The following SLC35B4 variants were observed in gnomAD, a reference collection of about 807,000 sequenced individuals.
SLC35B4 encodes nucleotide sugar transporter SLC35B4.
Under a neutral mutation model 39.5 loss-of-function variants are expected in SLC35B4, and 28 were observed. That is an observed-to-expected ratio of 0.71 (90% CI 0.53 to 0.97). SLC35B4 has a LOEUF of 0.97. Ranked by LOEUF, SLC35B4 falls within the 50% of genes least tolerant of loss-of-function variation. The pLI is 0.00. For synonymous variants in SLC35B4, 145 were observed against 150.4 expected, an observed-to-expected ratio of 0.96 and a Z score of 0.26; for missense variants, 334 against 414.3, an observed-to-expected ratio of 0.81 and a Z score of 1.68.
chr7:134,319,541 A>T (rs902861282), upstream of SLC35B4, among the ~76,000 whole-genome samples: 1 of 152,022 alleles, frequency 6.6e-6, no homozygotes, highest in African/African-American at 2.4e-5. Flanking sequence ...TGCCCTGCAC[A>T]TGTTCTCTTG....
At chr7:134,314,229 G>A (rs560323591) in intron 1 of SLC35B4, among the ~76,000 whole-genome samples, 45 of 152,138 alleles carry the variant, frequency 3.0e-4, no homozygotes, top group Non-Finnish European at 6.0e-4. Context: ...TTGTTGGACA[G>A]AATGGGAAGC....
At position 134,316,636 on chromosome 7, in the gene SLC35B4, G is replaced by T. The variant is rs370336842; in HGVS notation, c.77+39C>A. 6.5e-6 allele frequency: 10 copies of T among 1,544,924 alleles called. No homozygotes were observed. In the African/African-American group the frequency reaches 1.4e-4, roughly 21 times the overall value. The stretch of plus-strand genomic sequence containing the variant: ...CCTCTCCTCTGGCTTCCTCCGCCCC[G>T]CCCCGGGAGACCGGGTGCGGCCCGA... On this transcript the variant is annotated intron_variant, in intron 1 of 9. Coordinates refer to ENST00000378509, the MANE Select transcript of SLC35B4 (RefSeq NM_032826.5).
Position 134,316,182 on chromosome 7 carries a change from T to C in SLC35B4, c.77+493A>G, listed in dbSNP as rs1193916663. 2.6e-5 allele frequency among the ~76,000 whole-genome samples: 4 copies of C among 152,308 alleles called. No individual in the cohort carries two copies. The East Asian group carries it at 7.7e-4, about 29-fold the overall frequency. On this transcript the variant is annotated intron_variant, in intron 1 of 9. Coordinates refer to ENST00000378509, the MANE Select transcript of SLC35B4 (RefSeq NM_032826.5). ...AATAAAAATAAAACTTTCTTTGCAG[T>C]ATGTACAAAGTCAGACTGCTTTACA...
At position 134,299,512 on chromosome 7, in the gene SLC35B4, C is replaced by A; in HGVS notation, c.673+11G>T. 1 of 1,610,364 alleles carries A rather than the reference C, an allele frequency of 6.2e-7. No homozygotes were observed. The highest frequency in any genetic ancestry group is 8.5e-7 in the Non-Finnish European group (1 of 1,176,838). On this transcript the variant is annotated intron_variant, in intron 8 of 9. Coordinates refer to ENST00000378509, the MANE Select transcript of SLC35B4 (RefSeq NM_032826.5). The stretch of plus-strand genomic sequence containing the variant: ...CTGTCAGGTAATTCTACTGTCTAAC[C>A]CCAAACTCACCAGACTTATTGAATA...
Position 134,294,729 on chromosome 7 carries a change from T to C in SLC35B4, c.*104A>G. 6.9e-7 allele frequency: 1 copy of C among 1,459,464 alleles called. No individual in the cohort carries two copies. Among genetic ancestry groups the C allele is most frequent in the Non-Finnish European group, 9.3e-7 (1 of 1,075,978 alleles). 90.4% of individuals were successfully genotyped at this position (1,459,464 alleles called of 1,614,324 possible). On this transcript the variant is annotated 3_prime_UTR_variant, in exon 10 of 10. Coordinates refer to ENST00000378509, the MANE Select transcript of SLC35B4 (RefSeq NM_032826.5). ...GAAGATTTCCTTTTGCACGGCTGGCTCAGCACTGCGGGTAGCTCGGCATTA... is the reference window on the plus strand; with the variant it reads ...GAAGATTTCCTTTTGCACGGCTGGCCCAGCACTGCGGGTAGCTCGGCATTA...
chr7:134,318,930 G>T (rs1178768319), upstream of SLC35B4, among the ~76,000 whole-genome samples: 1 of 152,190 alleles, frequency 6.6e-6, no homozygotes, highest in African/African-American at 2.4e-5. Flanking sequence ...TGCAGATTCT[G>T]ATTCACTAGG....
intron 3 of SLC35B4, among the ~76,000 whole-genome samples, chr7:134,305,671 C>T (rs544373618): frequency 6.6e-6 from 1 of 152,118 alleles, no homozygotes; most frequent in Non-Finnish European, 1.5e-5. Flanking sequence ...CTACCCCCGA[C>T]CAGTTTTTTC....
In SLC35B4 at chr7:134,296,371, C is replaced by T. The variant is rs114041375; in HGVS notation, c.749+20G>A. On this transcript the variant is annotated intron_variant, in intron 9 of 9. Coordinates refer to ENST00000378509, the MANE Select transcript of SLC35B4 (RefSeq NM_032826.5). Reference sequence around the variant, plus strand: ...GAACCTGATGATGACATAAGGGTGACGGCACAGTCCAAAGGATACTGAGTG... The same window carrying T: ...GAACCTGATGATGACATAAGGGTGATGGCACAGTCCAAAGGATACTGAGTG... The T allele has an allele frequency of 2.0e-5, 32 of 1,603,906 alleles. No homozygotes were observed. The highest frequency in any genetic ancestry group is 4.0e-5 in the African/African-American group (3 of 74,856).
intron 2 of SLC35B4, 93 bp from the exon 3 acceptor site, chr7:134,306,867 T>C: frequency 3.0e-6 from 3 of 1,016,616 alleles, no homozygotes; most frequent in South Asian, 3.3e-5. Flanking sequence ...AAAAGGCATT[T>C]TGCCTGTTTC....
rs906967903 is a variant in SLC35B4 at position 134,289,928 on chromosome 7, G to A, written c.*4905C>T. The A allele has an allele frequency of 5.3e-5, 8 of 152,006 alleles. No homozygotes were observed. Among genetic ancestry groups the A allele is most frequent in the Admixed American group, 3.9e-4 (6 of 15,258 alleles). 9.4% of individuals were successfully genotyped at this position (152,006 alleles called of 1,614,324 possible). On this transcript the variant is annotated 3_prime_UTR_variant, in exon 10 of 10. Coordinates refer to ENST00000378509, the MANE Select transcript of SLC35B4 (RefSeq NM_032826.5). ...TAAAATTGACAAATTTTGGTAGGACGGTTACCAATTTAAGTAGGTAAGGCT... is the reference window on the plus strand; with the variant it reads ...TAAAATTGACAAATTTTGGTAGGACAGTTACCAATTTAAGTAGGTAAGGCT...
chr7:134,303,275 C>T (rs1346088262), intron 4 of SLC35B4, among the ~76,000 whole-genome samples: 1 of 152,098 alleles, frequency 6.6e-6, no homozygotes, highest in African/African-American at 2.4e-5. Flanking sequence ...GCAACAGATG[C>T]TTGAGAAAGA....
chr7:134,296,081 G>A lies in SLC35B4; in HGVS notation c.749+310C>T, dbSNP rs186007769. The stretch of plus-strand genomic sequence containing the variant: ...TGACCTCAAGTGATCTGCCCGCCTC[G>A]GCCTCCTAAAGTGCTGGGATTACAG... On this transcript the variant is annotated intron_variant, in intron 9 of 9. Coordinates refer to ENST00000378509, the MANE Select transcript of SLC35B4 (RefSeq NM_032826.5). Among the ~76,000 whole-genome samples, 1,053 of 151,936 alleles carry A rather than the reference G, an allele frequency of 6.9e-3. 13 individuals are homozygous for A. The highest frequency in any genetic ancestry group is 0.019 in the African/African-American group (776 of 41,406).
intron 2 of SLC35B4, among the ~76,000 whole-genome samples, chr7:134,308,233 C>T (rs2598296): frequency 0.5 from 76,607 of 151,870 alleles, 19,854 homozygotes; most frequent in African/African-American, 0.6. Flanking sequence ...CATGATAAAA[C>T]GATATTAAGT....
chr7:134,316,678 G>A lies in SLC35B4; in HGVS notation c.74C>T (p.Ala25Val), dbSNP rs1375166610. 2 of 1,550,276 alleles carry A rather than the reference G, an allele frequency of 1.3e-6. No homozygotes were observed. The highest frequency in any genetic ancestry group is 1.7e-6 in the Non-Finnish European group (2 of 1,146,694). ...CSNVIFLELL[A>V]RKHPGCGNIV... ...GCGGCCCGAGCGGGTCACTCACCGG[G>A]CCAGGAGCTCTAGGAAGATCACGTT... The change falls in exon 1 of 10, where the codon GCC (alanine) becomes GTC (valine). Residue 25 changes from alanine (A) to valine (V), a missense_variant. By Grantham distance (64) the Ala-to-Val change is moderately conservative. Transcript: ENST00000378509.
intron 9 of SLC35B4, among the ~76,000 whole-genome samples, chr7:134,295,361 A>T (rs767773970): frequency 1.1e-4 from 17 of 151,972 alleles, no homozygotes; most frequent in Non-Finnish European, 1.9e-4. Flanking sequence ...ATAATGACAG[A>T]GGGTGACGCT....
Position 134,307,913 on chromosome 7 carries a change from G to A in SLC35B4, c.192-1139C>T, listed in dbSNP as rs10230742. On this transcript the variant is annotated intron_variant, in intron 2 of 9. Transcript: ENST00000378509. ...AGCTTCTAAATAATATACTATCAGC[G>A]ACTTTACAAAGTTTCTTGCCAAATT... Among the ~76,000 whole-genome samples, 299 of 152,294 alleles carry A rather than the reference G, an allele frequency of 2.0e-3. 1 individual carries two copies. Among genetic ancestry groups the A allele is most frequent in the African/African-American group, 6.7e-3 (279 of 41,552 alleles).
chr7:134,306,213 T>C (rs1297951314), intron 3 of SLC35B4, among the ~76,000 whole-genome samples: 11 of 149,068 alleles, frequency 7.4e-5, no homozygotes, highest in Non-Finnish European at 1.0e-4. Context: ...GGAGAAACCC[T>C]ACCTTCATCA....
In SLC35B4 at chr7:134,294,680, G is replaced by A. The variant is rs1803416574; in HGVS notation, c.*153C>T. The A allele has an allele frequency of 4.5e-6, 4 of 894,880 alleles. No homozygotes were observed. Among genetic ancestry groups the A allele is most frequent in the Admixed American group, 5.6e-5 (2 of 35,542 alleles). The allele number at this position is 894,880 out of a possible 1,614,324, so 55.4% of individuals were successfully genotyped here. A position where few individuals can be genotyped will look rare whatever the true frequency, so the allele number is the denominator to read the frequency against. On this transcript the variant is annotated 3_prime_UTR_variant, in exon 10 of 10. Transcript: ENST00000378509. Reference sequence around the variant, plus strand: ...CTATTTAGTCTACATGTGTCAGTCTGAGCAACGTGAGAAGTCCCCTCCTGA... The same window carrying A: ...CTATTTAGTCTACATGTGTCAGTCTAAGCAACGTGAGAAGTCCCCTCCTGA...
Position 134,292,254 on chromosome 7 carries a change from G to A in SLC35B4, c.*2579C>T, listed in dbSNP as rs150409533. 2.2e-3 allele frequency: 332 copies of A among 153,742 alleles called. 1 individual carries two copies. The highest frequency in any genetic ancestry group is 7.2e-3 in the African/African-American group (300 of 41,596). The allele number at this position is 153,742 out of a possible 1,614,324, so 9.5% of individuals were successfully genotyped here. A position where few individuals can be genotyped will look rare whatever the true frequency, so the allele number is the denominator to read the frequency against. ...AAAAAATCAGTTAACCAAGGGGAAC[G>A]TATTTTTTTTTTAAAGAGTAGTTTT... On this transcript the variant is annotated 3_prime_UTR_variant, in exon 10 of 10. Transcript: ENST00000378509.
Sources: allele counts gnomAD v4.1 joint callset (sites outside exome capture counted in the v4.1 genomes callset), GRCh38; gene constraint gnomAD v4.1.1; transcripts MANE v1.5; gene names NCBI Gene and HGNC (gene_info 2026-07-23, HGNC 2026-07-21).